The following PDE7B variants were observed in gnomAD, a reference collection of about 807,000 sequenced individuals.
The protein encoded by PDE7B is phosphodiesterase 7B, also known as 3',5'-cyclic-AMP phosphodiesterase 7B.
In PDE7B, 29 loss-of-function variants were observed where a neutral mutation model predicts 56.2. That is an observed-to-expected ratio of 0.52 (90% confidence interval 0.38 to 0.70). PDE7B has a LOEUF of 0.70. Among genes scored for constraint, PDE7B ranks in the 30% least tolerant of loss-of-function variants. The pLI is 0.00. For synonymous variants in PDE7B, 197 were observed against 196.9 expected, an observed-to-expected ratio of 1.00 and a Z score of 0.00; for missense variants, 490 against 565.0, an observed-to-expected ratio of 0.87 and a Z score of 1.35.
intron 1 of PDE7B, among the ~76,000 whole-genome samples, chr6:135,875,558 C>A (rs1443297611): frequency 6.6e-6 from 1 of 152,094 alleles, no homozygotes; most frequent in African/African-American, 2.4e-5. Flanking sequence ...TGTTTTGAAA[C>A]CCTGAACTAT....
At chr6:136,166,648 T>A (rs1319841943) in intron 8 of PDE7B, among the ~76,000 whole-genome samples, 1 of 152,112 alleles carries the variant, frequency 6.6e-6, no homozygotes, top group Non-Finnish European at 1.5e-5. Context: ...ATCAAGGGGA[T>A]GGTGCCAAAT....
At chr6:135,855,154 T>A (rs766707599) in intron 1 of PDE7B, among the ~76,000 whole-genome samples, 5 of 152,320 alleles carry the variant, frequency 3.3e-5, no homozygotes, top group African/African-American at 4.8e-5. Flanking sequence ...CGCTGGGTTA[T>A]CTCTAACATC....
intron 3 of PDE7B, among the ~76,000 whole-genome samples, chr6:136,118,152 T>C (rs563793961): frequency 6.6e-6 from 1 of 152,138 alleles, no homozygotes; most frequent in African/African-American, 2.4e-5. Flanking sequence ...GCTGAGTACA[T>C]CCCTCTCCAG....
chr6:136,102,989 G>A (rs1464210087), intron 2 of PDE7B, among the ~76,000 whole-genome samples: 3 of 152,068 alleles, frequency 2.0e-5, no homozygotes, highest in South Asian at 4.1e-4. Context: ...TTTAAGAAGA[G>A]AAGAAAGAAC....
intron 2 of PDE7B, among the ~76,000 whole-genome samples, chr6:136,098,966 C>T (rs1431328491): frequency 6.7e-6 from 1 of 149,616 alleles, no homozygotes; most frequent in Admixed American, 6.7e-5. Flanking sequence ...TGATGTTCCC[C>T]TCCCTGTGTC....
At chr6:135,982,219 G>A (rs1046953820) in intron 2 of PDE7B, among the ~76,000 whole-genome samples, 3 of 152,182 alleles carry the variant, frequency 2.0e-5, no homozygotes, top group African/African-American at 7.2e-5. Flanking sequence ...AGGAGGGGAT[G>A]TATTATAAGG....
At position 136,075,120 on chromosome 6, in the gene PDE7B, A is replaced by G. The variant is rs374957382; in HGVS notation, c.83-33611A>G. 1.4e-4 allele frequency among the ~76,000 whole-genome samples: 21 copies of G among 152,306 alleles called. No homozygotes were observed. In the East Asian group the frequency reaches 3.3e-3, roughly 24 times the overall value. ...TAAAGTGTTCTCAAGCCACCGTCTC[A>G]GTCTGTCTTTCTGGGTGCTTTACCT... On this transcript the variant is annotated intron_variant, in intron 2 of 12. Coordinates refer to ENST00000308191, the MANE Select transcript of PDE7B (RefSeq NM_018945.4).
At chr6:135,911,727 G>A (rs754784060) in intron 1 of PDE7B, among the ~76,000 whole-genome samples, 22 of 152,090 alleles carry the variant, frequency 1.4e-4, no homozygotes, top group Non-Finnish European at 1.9e-4. Context: ...ATCCAATATG[G>A]TAACTACAAG....
intron 2 of PDE7B, among the ~76,000 whole-genome samples, chr6:135,960,098 A>T (rs1774870456): frequency 6.6e-6 from 1 of 152,106 alleles, no homozygotes; most frequent in Admixed American, 6.6e-5. Flanking sequence ...TATTGCTTTC[A>T]TGGGACTTTA....
intron 1 of PDE7B, among the ~76,000 whole-genome samples, chr6:135,932,951 A>G (rs1385266702): frequency 1.3e-5 from 2 of 152,196 alleles, no homozygotes; most frequent in African/African-American, 4.8e-5. Context: ...AGGGTCTATT[A>G]GTCATAGATG....
chr6:136,026,345 G>T (rs1260864141), intron 2 of PDE7B, among the ~76,000 whole-genome samples: 1 of 152,110 alleles, frequency 6.6e-6, no homozygotes, highest in African/African-American at 2.4e-5. Flanking sequence ...GATAAAGGTT[G>T]TGGCAAAGAT....
chr6:136,080,147 T>C (rs573043939), intron 2 of PDE7B, among the ~76,000 whole-genome samples: 9 of 152,314 alleles, frequency 5.9e-5, no homozygotes, highest in African/African-American at 2.2e-4. Context: ...CTCCCCCTTT[T>C]GGGTTCCCTG....
chr6:136,019,119 G>A (rs1031447823), intron 2 of PDE7B, among the ~76,000 whole-genome samples: 36 of 151,952 alleles, frequency 2.4e-4, no homozygotes, highest in African/African-American at 8.7e-4. Flanking sequence ...AGTAAATACT[G>A]CAGAAATGCA....
At chr6:135,955,171 T>C (rs1208225739) in intron 2 of PDE7B, among the ~76,000 whole-genome samples, 1 of 152,078 alleles carries the variant, frequency 6.6e-6, no homozygotes, top group African/African-American at 2.4e-5. Flanking sequence ...TGCAAAGATA[T>C]TGAAATTCTA....
At chr6:135,979,974 C>G (rs866076845) in intron 2 of PDE7B, among the ~76,000 whole-genome samples, 1 of 152,182 alleles carries the variant, frequency 6.6e-6, no homozygotes, top group African/African-American at 2.4e-5. Flanking sequence ...AAAGAGCCCA[C>G]ATCGCCAAGT....
intron 2 of PDE7B, among the ~76,000 whole-genome samples, chr6:136,073,866 T>G (rs185465046): frequency 2.4e-4 from 36 of 151,454 alleles, no homozygotes; most frequent in South Asian, 1.9e-3. Flanking sequence ...TTCTAAAAAC[T>G]TGTTGTGAAA....
intron 1 of PDE7B, among the ~76,000 whole-genome samples, chr6:135,896,473 C>T (rs536175050): frequency 7.2e-5 from 11 of 152,120 alleles, no homozygotes; most frequent in Non-Finnish European, 1.2e-4. Flanking sequence ...TTTCTGCACC[C>T]GTTCCTATCT....
Position 136,139,825 on chromosome 6 carries a change from T to C in PDE7B, c.167-7526T>C, listed in dbSNP as rs546994004. On this transcript the variant is annotated intron_variant, in intron 3 of 12. Transcript: ENST00000308191. ...CACTTGTTGATGGGGTTGTTTGTTT[T>C]TTTCTTGTAAATTTGTTGGAGTTCA... 7.0e-4 allele frequency among the ~76,000 whole-genome samples: 106 copies of C among 152,320 alleles called. 3 individuals carry two copies. In the South Asian group the frequency reaches 0.022, roughly 32 times the overall value.
At chr6:136,176,729 T>C (rs187441324) in intron 9 of PDE7B, among the ~76,000 whole-genome samples, 10 of 152,250 alleles carry the variant, frequency 6.6e-5, no homozygotes, top group Admixed American at 6.5e-4. Context: ...TCCAGAAACA[T>C]TGTACTAATT....
Sources: gnomAD v4.1 joint callset for allele counts (sites outside exome capture counted in the v4.1 genomes callset) on GRCh38, gnomAD v4.1.1 for gene constraint, MANE v1.5 for transcripts, NCBI Gene and HGNC (gene_info 2026-07-23, HGNC 2026-07-21) for gene names.